Variants in CCNK observed in about 807,000 individuals in gnomAD.
The protein encoded by CCNK is cyclin-K.
A neutral mutation model predicts 65.0 loss-of-function variants in CCNK; 9 were observed. The ratio of observed to expected loss-of-function variants is 0.14; its 90% confidence interval spans 0.08 to 0.24. The LOEUF (loss-of-function observed/expected upper bound fraction) is 0.24, where lower values mean the gene tolerates loss of function less well. Among genes scored for constraint, CCNK ranks in the 10% least tolerant of loss-of-function variants. CCNK has a pLI of 1.00. For missense variants in CCNK, 474 were observed against 720.0 expected (o/e 0.66, Z 3.91); for synonymous variants, 279 against 270.8 (o/e 1.03, Z -0.30).
intron 1 of CCNK, among the ~76,000 whole-genome samples, chr14:99,482,687 T>C (rs956106786): frequency 1.3e-5 from 2 of 152,242 alleles, no homozygotes; most frequent in African/African-American, 4.8e-5. Flanking sequence ...TTTGTTCCAT[T>C]TTGAAAATGT....
chr14:99,497,067 G>A (rs953458344), intron 4 of CCNK, among the ~76,000 whole-genome samples: 9 of 143,588 alleles, frequency 6.3e-5, no homozygotes, highest in African/African-American at 2.3e-4. Context: ...TGGTACATTT[G>A]CTATGACTGA....
At chr14:99,487,382 A>G (rs1319561001) in intron 1 of CCNK, among the ~76,000 whole-genome samples, 1 of 152,310 alleles carries the variant, frequency 6.6e-6, no homozygotes, top group East Asian at 1.9e-4. Flanking sequence ...ACATTCAGCA[A>G]CATTCCTGGC....
chr14:99,502,162 A>G, intron 6 of CCNK, 45 bp from the exon 7 acceptor site: 1 of 1,526,292 alleles, frequency 6.6e-7, no homozygotes, highest in South Asian at 1.3e-5. Flanking sequence ...TTAATCATAA[A>G]TATTAGATCA....
Position 99,502,314 on chromosome 14 carries a change from A to C in CCNK, c.683A>C (p.Lys228Thr), listed in dbSNP as rs776386794. Residue 228 changes from lysine to threonine, a missense_variant, in exon 7 of 11, where the codon AAA becomes ACA. Coordinates refer to ENST00000389879, the MANE Select transcript of CCNK (RefSeq NM_001099402.2). The part of the protein sequence containing the change: ...CKFEIQEWTS[K>T]PMYRRWWEQF... ...TTTGAAATACAAGAATGGACCTCCAAACCCATGTATAGGAGATGGTGGGAG... is the reference window on the plus strand; with the variant it reads ...TTTGAAATACAAGAATGGACCTCCACACCCATGTATAGGAGATGGTGGGAG... The C allele has an allele frequency of 6.2e-7, 1 of 1,613,630 alleles. No individual in the cohort carries two copies. The highest frequency in any genetic ancestry group is 8.5e-7 in the Non-Finnish European group (1 of 1,179,794).
chr14:99,486,075 CCAT>C (rs1329772399), intron 1 of CCNK, among the ~76,000 whole-genome samples: 1 of 151,934 alleles, frequency 6.6e-6, no homozygotes, highest in Non-Finnish European at 1.5e-5. Flanking sequence ...AGTCATGAAA[CCAT>C]CACAATTTTC....
Position 99,503,609 on chromosome 14 carries a change from AG to A in CCNK, c.1012del. On this transcript the variant is annotated splice_acceptor_variant, in intron 8 of 10. Coordinates refer to ENST00000389879, the MANE Select transcript of CCNK (RefSeq NM_001099402.2). LOFTEE classifies it high-confidence loss of function. ...ACAATTGTGTATTTTCTTTTGTAACAGGTTGTTTCTCCCAAAGAAGAGAACA... is the reference window on the plus strand; with the variant it reads ...ACAATTGTGTATTTTCTTTTGTAACAGTTGTTTCTCCCAAAGAAGAGAACA... 1 of 1,558,614 alleles carries A rather than the reference AG, an allele frequency of 6.4e-7. No homozygotes were observed.
intron 6 of CCNK, chr14:99,501,693 A>C: frequency 2.5e-6 from 1 of 400,202 alleles, no homozygotes; most frequent in South Asian, 4.1e-5. Context: ...TTTGAAAACT[A>C]ATTACTTAGA....
At chr14:99,509,974 A>C in intron 10 of CCNK, 183 bp from the exon 11 acceptor site, 1 of 637,470 alleles carries the variant, frequency 1.6e-6, no homozygotes. Flanking sequence ...GGCCTTCTTG[A>C]CAGATGGTGG....
In CCNK at chr14:99,510,633, C is replaced by G; in HGVS notation, c.1594C>G (p.Pro532Ala). Residue 532 changes from proline (P) to alanine (A), a missense_variant, in exon 11 of 11, where the codon CCT becomes GCT. By Grantham distance (27) the Pro-to-Ala change is conservative. Coordinates refer to ENST00000389879, the MANE Select transcript of CCNK (RefSeq NM_001099402.2). ...PRLPPTHAVP[P>A]HPPPGLGLPP... ...CCTCCCGCCTACCCACGCAGTCCCC[C>G]CTCATCCTCCTCCAGGGTTGGGCCT... 7.1e-7 allele frequency: 1 copy of G among 1,411,920 alleles called. No individual in the cohort carries two copies. Among genetic ancestry groups the G allele is most frequent in the Non-Finnish European group, 9.2e-7 (1 of 1,085,006 alleles). The allele number at this position is 1,411,920 out of a possible 1,614,324, so 87.5% of individuals were successfully genotyped here.
intron 1 of CCNK, among the ~76,000 whole-genome samples, chr14:99,484,779 A>G (rs933931039): frequency 2.6e-5 from 4 of 152,230 alleles, no homozygotes; most frequent in Admixed American, 6.5e-5. Flanking sequence ...TATTACTAAG[A>G]GGGGATTTCG....
intron 10 of CCNK, 178 bp downstream of exon 10, chr14:99,507,325 C>T (rs1480296017): frequency 9.8e-6 from 6 of 611,538 alleles, no homozygotes; most frequent in Non-Finnish European, 1.2e-5. Flanking sequence ...GTTTTTGATC[C>T]CAGCACTTTG....
At position 99,495,623 on chromosome 14, in the gene CCNK, C is replaced by T. The variant is rs1896684926; in HGVS notation, c.405C>T (p.Asp135=). ...NDVQFGQFGD[D]PKEEVMVLER... The stretch of plus-strand genomic sequence containing the variant: ...TACAATTTGGCCAGTTTGGAGATGA[C>T]CCAAAGGTAAGAATGATAATAACTT... Residue 135 remains aspartate, a synonymous_variant, in exon 4 of 11, where the codon GAC becomes GAT. Transcript: ENST00000389879. 1 of 1,605,358 alleles carries T rather than the reference C, an allele frequency of 6.2e-7. No individual in the cohort carries two copies. Among genetic ancestry groups the T allele is most frequent in the East Asian group, 2.2e-5 (1 of 44,602 alleles).
rs979538576 is a variant in CCNK, at chr14:99,512,433, A to G, written c.*1651A>G. On this transcript the variant is annotated 3_prime_UTR_variant, in exon 11 of 11. Coordinates refer to ENST00000389879, the MANE Select transcript of CCNK (RefSeq NM_001099402.2). ...AGTCATGCATTTAGTTTTAAGAAAA[A>G]AAAAAAATCAGTAGTATGTATCTTG... The G allele has an allele frequency of 6.6e-6, 1 of 152,196 alleles. No individual in the cohort carries two copies. Among genetic ancestry groups the G allele is most frequent in the Non-Finnish European group, 1.5e-5 (1 of 68,040 alleles). 9.4% of individuals were successfully genotyped at this position (152,196 alleles called of 1,614,324 possible). A position where few individuals can be genotyped will look rare whatever the true frequency, so the allele number is the denominator to read the frequency against.
rs900332613 is a variant in CCNK at position 99,511,524 on chromosome 14, T to C, written c.*742T>C. 2 of 152,596 alleles carry C rather than the reference T, an allele frequency of 1.3e-5. No homozygotes were observed. Among genetic ancestry groups the C allele is most frequent in the African/African-American group, 4.8e-5 (2 of 41,470 alleles). 9.5% of individuals were successfully genotyped at this position (152,596 alleles called of 1,614,324 possible). Reference sequence around the variant, plus strand: ...AAGCAGTTCTGAAACTATCCCTTTCTTTGTTATGGGTGGAAGGTGGGGCTC... The same window carrying C: ...AAGCAGTTCTGAAACTATCCCTTTCCTTGTTATGGGTGGAAGGTGGGGCTC... On this transcript the variant is annotated 3_prime_UTR_variant, in exon 11 of 11. Transcript: ENST00000389879.
chr14:99,481,579 CTCTT>C (rs1896322188), intron 1 of CCNK, 100 bp downstream of exon 1: 5 of 397,532 alleles, frequency 1.3e-5, no homozygotes, highest in South Asian at 1.3e-4. Flanking sequence ...GGCGGAGTCT[CTCTT>C]TCCGGATTCT....
chr14:99,500,405 T>A (rs1405931227), intron 4 of CCNK: 2 of 204,104 alleles, frequency 9.8e-6, no homozygotes, highest in East Asian at 1.6e-4. Context: ...AAAGATTGCA[T>A]TTTTAAAATT....
At chr14:99,496,520 C>T (rs1029956296) in intron 4 of CCNK, among the ~76,000 whole-genome samples, 4 of 151,722 alleles carry the variant, frequency 2.6e-5, no homozygotes, top group Admixed American at 1.3e-4. Context: ...ACCATCCTGG[C>T]TAACATGGTG....
intron 1 of CCNK, among the ~76,000 whole-genome samples, chr14:99,483,401 A>C (rs1896404772): frequency 6.6e-6 from 1 of 152,100 alleles, no homozygotes; most frequent in Non-Finnish European, 1.5e-5. Flanking sequence ...AAAAATCAAA[A>C]AATTAGCCAG....
rs1897132932 is a variant in CCNK, at chr14:99,511,599, A to G, written c.*817A>G. On this transcript the variant is annotated 3_prime_UTR_variant, in exon 11 of 11. Coordinates refer to ENST00000389879, the MANE Select transcript of CCNK (RefSeq NM_001099402.2). ...TAAAATGTGCAGAGGCCCTCCTTCC[A>G]GACCCTGGGGACGCGGGAGAGGCCT... 1 of 152,476 alleles carries G rather than the reference A, an allele frequency of 6.6e-6. No homozygotes were observed. The highest frequency in any genetic ancestry group is 1.5e-5 in the Non-Finnish European group (1 of 68,046). 9.4% of individuals were successfully genotyped at this position (152,476 alleles called of 1,614,324 possible). A position where few individuals can be genotyped will look rare whatever the true frequency, so the allele number is the denominator to read the frequency against.
Sources: gnomAD v4.1 joint callset for allele counts (sites outside exome capture counted in the v4.1 genomes callset) on GRCh38, gnomAD v4.1.1 for gene constraint, MANE v1.5 for transcripts, NCBI Gene and HGNC (gene_info 2026-07-23, HGNC 2026-07-21) for gene names.